SLC18A2: variants seen among roughly 807,000 people sequenced by gnomAD.
SLC18A2 encodes synaptic vesicular amine transporter.
A neutral mutation model predicts 59.2 loss-of-function variants in SLC18A2; 33 were observed. That is an observed-to-expected ratio of 0.56 (90% CI 0.42 to 0.75). The LOEUF (loss-of-function observed/expected upper bound fraction) is 0.75, where lower values mean the gene tolerates loss of function less well. SLC18A2 is among the 30% of genes least tolerant of loss of function. The pLI is 0.00. For missense variants in SLC18A2, 569 were observed against 668.6 expected, an observed-to-expected ratio of 0.85 and a Z score of 1.64; for synonymous variants, 228 against 253.5, an observed-to-expected ratio of 0.90 and a Z score of 0.95.
chr10:117,250,320 T>C (rs1210806518), intron 3 of SLC18A2, among the ~76,000 whole-genome samples: 1 of 152,182 alleles, frequency 6.6e-6, no homozygotes, highest in Non-Finnish European at 1.5e-5. Context: ...TGGTTGTATC[T>C]GAAGCCATTG....
rs148458078 is a variant in SLC18A2 at position 117,254,107 on chromosome 10, G to A, written c.583G>A (p.Gly195Ser). Residue 195 changes from glycine (G) to serine (S), a missense_variant, in exon 5 of 16, where the codon GGC becomes AGC. This residue lies in a region of SLC18A2 where 377 missense variants were observed against 389.8 expected (regional missense o/e 0.97). Coordinates refer to ENST00000644641, the MANE Select transcript of SLC18A2 (RefSeq NM_003054.6). Reference protein sequence around the residue: ...LLIARSLQGIGSSCSSVAGMG... With the variant: ...LLIARSLQGISSSCSSVAGMG... ...GATTGCCAGGTCGCTGCAGGGCATC[G>A]GCTCGTCCTGCTCCTCTGTGGCTGG... The A allele has an allele frequency of 1.3e-5, 21 of 1,613,340 alleles. No homozygotes were observed. Among genetic ancestry groups the A allele is most frequent in the East Asian group, 2.2e-5 (1 of 44,866 alleles).
chr10:117,254,361 TG>T (rs1205518701), intron 5 of SLC18A2, 43 bp from the exon 6 acceptor site: 4 of 1,492,084 alleles, frequency 2.7e-6, no homozygotes, highest in Non-Finnish European at 3.7e-6. Context: ...ATTCTTTTGC[TG>T]TTCCCCGGAG....
chr10:117,256,833 G>A (rs970436775), intron 9 of SLC18A2, among the ~76,000 whole-genome samples: 1 of 152,160 alleles, frequency 6.6e-6, no homozygotes, highest in African/African-American at 2.4e-5. Context: ...CCTGAACCTC[G>A]GGCACGTCTG....
At chr10:117,242,566 T>C (rs137860183) in intron 2 of SLC18A2, among the ~76,000 whole-genome samples, 3 of 152,294 alleles carry the variant, frequency 2.0e-5, no homozygotes, top group African/African-American at 7.2e-5. Flanking sequence ...GAGCATCTGA[T>C]AGGTTTCATC....
intron 13 of SLC18A2, chr10:117,268,237 T>C (rs1844372136): frequency 6.5e-6 from 1 of 154,352 alleles, no homozygotes; most frequent in Admixed American, 6.4e-5. Context: ...GTCACTATTT[T>C]GAGTGAATGG....
chr10:117,255,594 CAG>C lies in SLC18A2; in HGVS notation c.835_836del, dbSNP rs1431337923. 1 of 1,613,972 alleles carries C rather than the reference CAG, an allele frequency of 6.2e-7. No individual in the cohort carries two copies. The highest frequency in any genetic ancestry group is 1.7e-5 in the Admixed American group (1 of 59,998). On this transcript the variant is annotated splice_acceptor_variant, in intron 8 of 15. Transcript: ENST00000644641. LOFTEE classifies it high-confidence loss of function. Reference sequence around the variant, plus strand: ...CTTCTGACCCGTGTTTTTTTCTTGACAGAGTCAGAAGGGGACACCCCTAACCA... The same window carrying C: ...CTTCTGACCCGTGTTTTTTTCTTGACAGTCAGAAGGGGACACCCCTAACCA...
At chr10:117,244,441 AC>A in intron 3 of SLC18A2, 128 bp downstream of exon 3, 1 of 799,810 alleles carries the variant, frequency 1.3e-6, no homozygotes, top group Non-Finnish European at 2.0e-6. Flanking sequence ...GCTGGGGAAA[AC>A]CCAGTCCCCT....
At chr10:117,259,527 G>A (rs1205119418) in intron 10 of SLC18A2, among the ~76,000 whole-genome samples, 2 of 152,162 alleles carry the variant, frequency 1.3e-5, no homozygotes, top group African/African-American at 4.8e-5. Context: ...ACAGCTTCCT[G>A]AGAGTGTGCG....
chr10:117,263,878 A>G (rs1844320773), intron 10 of SLC18A2, among the ~76,000 whole-genome samples: 1 of 152,070 alleles, frequency 6.6e-6, no homozygotes, highest in Non-Finnish European at 1.5e-5. Flanking sequence ...GTACCAGAAG[A>G]CAAGAGGGAC....
Position 117,257,900 on chromosome 10 carries a change from C to T in SLC18A2, c.991+8C>T. The T allele has an allele frequency of 6.3e-7, 1 of 1,589,120 alleles. No homozygotes were observed. Among genetic ancestry groups the T allele is most frequent in the Non-Finnish European group, 8.6e-7 (1 of 1,162,644 alleles). On this transcript the variant is annotated splice_region_variant and intron_variant, in intron 10 of 15. Coordinates refer to ENST00000644641, the MANE Select transcript of SLC18A2 (RefSeq NM_003054.6). ...CCCGAAAGTGGCAGCTGGGTAAGGA[C>T]TGGGGTGGGCTCTTCTGATTCAAGA...
chr10:117,243,784 C>G (rs959120798), intron 2 of SLC18A2, among the ~76,000 whole-genome samples, 187 bp from the exon 3 acceptor site: 10 of 152,154 alleles, frequency 6.6e-5, no homozygotes, highest in African/African-American at 2.4e-4. Flanking sequence ...GAGGGTTTCT[C>G]CATGTTGGCC....
Position 117,254,093 on chromosome 10 carries a change from C to T in SLC18A2, c.569C>T (p.Ser190Leu), listed in dbSNP as rs770451646. The change falls in exon 5 of 16, where the codon TCG becomes TTG. Residue 190 changes from serine to leucine, a missense_variant. By Grantham distance (145) the Ser-to-Leu change is moderately radical. Coordinates refer to ENST00000644641, the MANE Select transcript of SLC18A2 (RefSeq NM_003054.6). ...SSYAFLLIAR[S>L]LQGIGSSCSS... is the part of the protein sequence containing the mutation. Reference sequence around the variant, plus strand: ...TATGCCTTCCTGCTGATTGCCAGGTCGCTGCAGGGCATCGGCTCGTCCTGC... The same window carrying T: ...TATGCCTTCCTGCTGATTGCCAGGTTGCTGCAGGGCATCGGCTCGTCCTGC... 16 of 1,613,644 alleles carry T rather than the reference C, an allele frequency of 9.9e-6. No homozygotes were observed. Among genetic ancestry groups the T allele is most frequent in the South Asian group, 5.5e-5 (5 of 91,084 alleles).
At chr10:117,266,117 C>G (rs1375205255) in intron 10 of SLC18A2, among the ~76,000 whole-genome samples, 3 of 145,126 alleles carry the variant, frequency 2.1e-5, no homozygotes, top group Non-Finnish European at 4.5e-5. Context: ...AAAAATCTGA[C>G]TTGACAACAA....
rs1454498233 is a variant in SLC18A2 at position 117,267,695 on chromosome 10, A to T, written c.1145A>T (p.Tyr382Phe). Reference sequence around the variant, plus strand: ...CAGATTCCATTTGCAAAAAACATTTATGGACTCATAGCTCCGAACTTTGGA... The same window carrying T: ...CAGATTCCATTTGCAAAAAACATTTTTGGACTCATAGCTCCGAACTTTGGA... ...ILCIPFAKNI[Y>F]GLIAPNFGVG... The change falls in exon 13 of 16, where the codon TAT becomes TTT. Residue 382 changes from tyrosine (Y) to phenylalanine (F), a missense_variant. Tyr to Phe is a conservative substitution (Grantham distance 22). Around this residue, in one of 2 missense-constraint regions of SLC18A2, gnomAD observed 192 missense variants for 278.8 expected, o/e 0.69. Transcript: ENST00000644641. 1 of 1,568,556 alleles carries T rather than the reference A, an allele frequency of 6.4e-7. No individual in the cohort carries two copies. Among genetic ancestry groups the T allele is most frequent in the Non-Finnish European group, 8.7e-7 (1 of 1,144,802 alleles).
intron 10 of SLC18A2, among the ~76,000 whole-genome samples, chr10:117,265,199 G>A (rs1393982198): frequency 6.6e-6 from 1 of 152,240 alleles, no homozygotes; most frequent in African/African-American, 2.4e-5. Context: ...TGTCTAGAAT[G>A]ATCTGGTTTT....
intron 13 of SLC18A2, among the ~76,000 whole-genome samples, chr10:117,268,824 TTATG>T (rs1042413492): frequency 6.8e-6 from 1 of 147,592 alleles, no homozygotes; most frequent in Non-Finnish European, 1.5e-5. Flanking sequence ...GTATGTATGT[TTATG>T]TGTGTGTGTG....
intron 10 of SLC18A2, among the ~76,000 whole-genome samples, chr10:117,266,089 CAAAAAAAAAAAAAA>C (rs35533634): frequency 1.4e-5 from 1 of 72,188 alleles, no homozygotes; most frequent in Non-Finnish European, 2.5e-5. Flanking sequence ...GACTCCATCT[CAAAAAAAAAAAAAA>C]AAAAAAAATC....
At position 117,269,218 on chromosome 10, in the gene SLC18A2, CAT is replaced by C. The variant is rs57928425; in HGVS notation, c.1187-851_1187-850del. ...ACCTACACACATACACATACACACA[CAT>C]ACACAAATACAAGTACATACACAAA... On this transcript the variant is annotated intron_variant, in intron 13 of 15. Transcript: ENST00000644641. The surrounding 1 kb of genome is among the most constrained non-coding windows in gnomAD (Gnocchi z 5.1). Among the ~76,000 whole-genome samples the C allele has an allele frequency of 0.55, 83,569 of 150,824 alleles. 23,430 individuals are homozygous for C. The highest frequency in any genetic ancestry group is 0.62 in the South Asian group (2,956 of 4,794).
intron 3 of SLC18A2, among the ~76,000 whole-genome samples, chr10:117,247,805 G>A (rs1437982015): frequency 6.6e-6 from 1 of 152,084 alleles, no homozygotes. Context: ...AGGCTGGGCA[G>A]AGCTATTCTT....
Sources: gnomAD v4.1 joint callset for allele counts (sites outside exome capture counted in the v4.1 genomes callset) on GRCh38, gnomAD v4.1.1 for gene constraint, gnomAD v4.1.1 regional missense constraint, Gnocchi (gnomAD v3.1) non-coding constraint, MANE v1.5 for transcripts, NCBI Gene and HGNC (gene_info 2026-07-23, HGNC 2026-07-21) for gene names.